GLDC: variants seen among roughly 807,000 people sequenced by gnomAD.
GLDC encodes the protein glycine dehydrogenase (decarboxylating), mitochondrial.
A neutral mutation model predicts 121.3 loss-of-function variants in GLDC; 104 were observed. That is an observed-to-expected ratio of 0.86 (90% confidence interval 0.73 to 1.01). The LOEUF (loss-of-function observed/expected upper bound fraction) is 1.01. GLDC is among the 50% of genes least tolerant of loss of function. The pLI is 0.00. For synonymous variants in GLDC, 546 were observed against 480.6 expected (o/e 1.14, Z -1.78); for missense variants, 1,429 against 1,306.6 (o/e 1.09, Z -1.44).
Position 6,604,765 on chromosome 9 carries a change from G to C in GLDC, c.881C>G (p.Thr294Ser), listed in dbSNP as rs1198233054. ...HQSGSLACCA[T>S]DLLALCILRP... ...CAAGATGCACAAAGCTAAAAGGTCA[G>C]TAGCACAGCAGGCCAGGCTCTAGAA... The change falls in exon 7 of 25, where the codon ACT becomes AGT. Residue 294 changes from threonine to serine, a missense_variant. By Grantham distance (58) the Thr-to-Ser change is moderately conservative. Coordinates refer to ENST00000321612, the MANE Select transcript of GLDC (RefSeq NM_000170.3). The C allele has an allele frequency of 1.2e-6, 2 of 1,614,042 alleles. No homozygotes were observed. Among genetic ancestry groups the C allele is most frequent in the Non-Finnish European group, 1.7e-6 (2 of 1,179,882 alleles).
At chr9:6,616,878 G>C (rs1331718452) in intron 3 of GLDC, among the ~76,000 whole-genome samples, 1 of 152,116 alleles carries the variant, frequency 6.6e-6, no homozygotes, top group Non-Finnish European at 1.5e-5. Context: ...GGGGTTTGCA[G>C]GACAAACACT....
chr9:6,548,725 C>T (rs993626927), intron 21 of GLDC, among the ~76,000 whole-genome samples: 1 of 152,144 alleles, frequency 6.6e-6, no homozygotes, highest in African/African-American at 2.4e-5. Flanking sequence ...GATCTAAGCT[C>T]CAGGTCCTGG....
intron 2 of GLDC, among the ~76,000 whole-genome samples, chr9:6,635,868 C>G (rs1234167427): frequency 2.0e-5 from 3 of 151,782 alleles, no homozygotes; most frequent in Non-Finnish European, 1.5e-5. Context: ...TAGCAAGATA[C>G]TGTCTCAAAT....
chr9:6,629,998 C>T (rs1819343041), intron 2 of GLDC, among the ~76,000 whole-genome samples: 1 of 85,958 alleles, frequency 1.2e-5, no homozygotes, highest in South Asian at 4.1e-4. Flanking sequence ...CTATGTTTCC[C>T]AGGCTGGTTT....
chr9:6,636,106 C>T (rs1819496177), intron 2 of GLDC, among the ~76,000 whole-genome samples: 1 of 151,956 alleles, frequency 6.6e-6, no homozygotes, highest in African/African-American at 2.4e-5. Context: ...AGTTCAAGAC[C>T]AGCCTGGCTA....
At chr9:6,582,034 G>C (rs1050095448) in intron 15 of GLDC, among the ~76,000 whole-genome samples, 20 of 151,520 alleles carry the variant, frequency 1.3e-4, no homozygotes, top group Non-Finnish European at 2.2e-4. Flanking sequence ...GGCCAACATA[G>C]TGAAACCCGA....
At chr9:6,542,398 C>A (rs1465976791) in intron 21 of GLDC, 1 of 152,128 alleles carries the variant, frequency 6.6e-6, no homozygotes, top group African/African-American at 2.4e-5. Flanking sequence ...GCACCACATG[C>A]CCAGCTAATT....
chr9:6,629,029 G>A (rs950401392), intron 2 of GLDC, among the ~76,000 whole-genome samples: 18 of 151,558 alleles, frequency 1.2e-4, no homozygotes, highest in African/African-American at 4.1e-4. Context: ...AAGAACTTGC[G>A]CTGCTTCTGC....
In GLDC at chr9:6,640,690, T is replaced by A. The variant is rs138471117; in HGVS notation, c.334+3924A>T. Among the ~76,000 whole-genome samples the A allele has an allele frequency of 5.4e-4, 82 of 152,360 alleles. 1 individual carries two copies. Among genetic ancestry groups the A allele is most frequent in the African/African-American group, 1.9e-3 (79 of 41,588 alleles). On this transcript the variant is annotated intron_variant, in intron 2 of 24. Coordinates refer to ENST00000321612, the MANE Select transcript of GLDC (RefSeq NM_000170.3). ...GCAATTTTGTGTAAACTTTAATCCCTGCAGTTTATCTATGATTAGTTCAGT... is the reference window on the plus strand; with the variant it reads ...GCAATTTTGTGTAAACTTTAATCCCAGCAGTTTATCTATGATTAGTTCAGT...
intron 2 of GLDC, among the ~76,000 whole-genome samples, chr9:6,629,624 C>G (rs1184373393): frequency 6.6e-6 from 1 of 151,932 alleles, no homozygotes; most frequent in Non-Finnish European, 1.5e-5. Flanking sequence ...CACACACACA[C>G]ACATGCACAC....
chr9:6,629,941 A>ATGTATATATATATATATATATGTGTG (rs1563870159), intron 2 of GLDC, among the ~76,000 whole-genome samples: 1 of 71,060 alleles, frequency 1.4e-5, no homozygotes, highest in African/African-American at 1.0e-4. Context: ...ATATATATAT[A>ATGTATATATATATATATATATGTGTG]TATGTATATA....
chr9:6,622,547 A>T (rs1446067202), intron 2 of GLDC, among the ~76,000 whole-genome samples: 1 of 152,064 alleles, frequency 6.6e-6, no homozygotes, highest in East Asian at 1.9e-4. Context: ...CTCAGTGCTC[A>T]ATGGTGCCCA....
chr9:6,597,421 C>T (rs1818512031), intron 8 of GLDC, among the ~76,000 whole-genome samples: 2 of 152,154 alleles, frequency 1.3e-5, no homozygotes, highest in East Asian at 1.9e-4. Context: ...TTATTCTTTA[C>T]TACACCTGAC....
At chr9:6,544,049 C>G (rs953298825) in intron 21 of GLDC, among the ~76,000 whole-genome samples, 1 of 152,166 alleles carries the variant, frequency 6.6e-6, no homozygotes, top group Non-Finnish European at 1.5e-5. Context: ...GAGAAGGGAC[C>G]AGACCTTACT....
intron 5 of GLDC, 43 bp downstream of exon 5, chr9:6,606,549 C>G: frequency 9.2e-7 from 1 of 1,085,056 alleles, no homozygotes. Flanking sequence ...CAGAGATGAA[C>G]ATGACATTAT....
chr9:6,644,526 C>T, intron 2 of GLDC, 88 bp downstream of exon 2: 1 of 890,096 alleles, frequency 1.1e-6, no homozygotes, highest in Non-Finnish European at 1.9e-6. Flanking sequence ...CTGAGCAATC[C>T]TTACCCCAGA....
intron 20 of GLDC, among the ~76,000 whole-genome samples, chr9:6,551,411 G>T (rs1008661709): frequency 2.6e-5 from 4 of 152,190 alleles, no homozygotes; most frequent in Non-Finnish European, 5.9e-5. Flanking sequence ...GTAGTTAAGA[G>T]TCCCTGTGAT....
intron 14 of GLDC, 44 bp from the exon 15 acceptor site, chr9:6,587,327 A>C: frequency 7.5e-7 from 1 of 1,329,712 alleles, no homozygotes; most frequent in African/African-American, 1.5e-5. Flanking sequence ...ATATTATAAT[A>C]GCAATAGCAA....
intron 2 of GLDC, chr9:6,639,355 G>C (rs1819578659): frequency 1.1e-6 from 1 of 940,996 alleles, no homozygotes; most frequent in African/African-American, 1.6e-5. Context: ...AAACAAGCTT[G>C]ACCACTATGC....
Sources: gnomAD v4.1 joint callset for allele counts (sites outside exome capture counted in the v4.1 genomes callset) on GRCh38, gnomAD v4.1.1 for gene constraint, MANE v1.5 for transcripts, NCBI Gene and HGNC (gene_info 2026-07-23, HGNC 2026-07-21) for gene names.